Variants in KDM7A observed in about 807,000 individuals in gnomAD.
KDM7A encodes the protein lysine demethylase 7A, also known as lysine-specific demethylase 7A.
In KDM7A, 28 loss-of-function variants were observed where a neutral mutation model predicts 114.8. That is an observed-to-expected ratio of 0.24 (90% CI 0.18 to 0.33). The LOEUF (loss-of-function observed/expected upper bound fraction) is 0.33. Among genes scored for constraint, KDM7A ranks in the 10% least tolerant of loss-of-function variants. The probability of loss-of-function intolerance (pLI) is 1.00; values close to 1 mark genes in which losing one functional copy is unlikely to be tolerated. For missense variants in KDM7A, 942 were observed against 1,142.5 expected (o/e 0.82, Z 2.53); for synonymous variants, 423 against 397.8 (o/e 1.06, Z -0.75).
At chr7:140,111,817 G>A (rs1382845507) in intron 10 of KDM7A, among the ~76,000 whole-genome samples, 2 of 151,932 alleles carry the variant, frequency 1.3e-5, no homozygotes, top group African/African-American at 4.8e-5. Flanking sequence ...AACTAAGCCA[G>A]GCGTGGAATC....
rs1817907786 is a variant in KDM7A at position 140,085,287 on chromosome 7, T to C, written c.*5807A>G. ...AACCAGTAAGAAAAGTCAGTCAGGCTAGCAAAACGTTACTACAAAACTAGT... is the reference window on the plus strand; with the variant it reads ...AACCAGTAAGAAAAGTCAGTCAGGCCAGCAAAACGTTACTACAAAACTAGT... On this transcript the variant is annotated 3_prime_UTR_variant, in exon 20 of 20. Transcript: ENST00000397560. The C allele has an allele frequency of 6.6e-6, 1 of 152,192 alleles. No homozygotes were observed. The highest frequency in any genetic ancestry group is 6.5e-5 in the Admixed American group (1 of 15,278). The allele number at this position is 152,192 out of a possible 1,614,324, so 9.4% of individuals were successfully genotyped here.
chr7:140,124,960 T>C (rs1392437234), intron 6 of KDM7A, among the ~76,000 whole-genome samples, 177 bp from the exon 7 acceptor site: 1 of 152,156 alleles, frequency 6.6e-6, no homozygotes, highest in Non-Finnish European at 1.5e-5. Context: ...TAGTAAACAT[T>C]TTCATGTTTA....
chr7:140,150,630 A>G (rs1034902814), intron 1 of KDM7A, among the ~76,000 whole-genome samples: 1 of 152,220 alleles, frequency 6.6e-6, no homozygotes, highest in Admixed American at 6.5e-5. Flanking sequence ...AATTGGTAAC[A>G]GCAGTTGCCT....
rs1157499086 is a variant in KDM7A, at chr7:140,084,749, G to A, written c.*6345C>T. On this transcript the variant is annotated 3_prime_UTR_variant, in exon 20 of 20. Transcript: ENST00000397560. ...GAAAAAGGGAACAAAGTCAGAATTG[G>A]ATATAGAATTCAGATTCTTTTTCTT... 1 of 152,122 alleles carries A rather than the reference G, an allele frequency of 6.6e-6. No individual in the cohort carries two copies. Among genetic ancestry groups the A allele is most frequent in the East Asian group, 1.9e-4 (1 of 5,194 alleles). 9.4% of individuals were successfully genotyped at this position (152,122 alleles called of 1,614,324 possible).
chr7:140,123,096 G>C (rs1318666950), intron 7 of KDM7A, among the ~76,000 whole-genome samples: 1 of 152,074 alleles, frequency 6.6e-6, no homozygotes, highest in East Asian at 1.9e-4. Context: ...TGCCCAACAA[G>C]AAAAATGCTC....
In KDM7A at chr7:140,097,043, C is replaced by A. The variant is rs781627943; in HGVS notation, c.2021G>T (p.Ser674Ile). The A allele has an allele frequency of 6.2e-7, 1 of 1,609,432 alleles. No individual in the cohort carries two copies. The highest frequency in any genetic ancestry group is 1.7e-5 in the Admixed American group (1 of 59,394). Residue 674 changes from serine (S) to isoleucine (I), a missense_variant, in exon 16 of 20, where the codon AGT (serine) becomes ATT (isoleucine). Ser to Ile is a moderately radical substitution (Grantham distance 142). Transcript: ENST00000397560. The part of the protein sequence containing the change: ...DSGPECTALK[S>I]IFTTEESESS... ...TTCAGACTCTTCAGTGGTAAAGATA[C>A]TTTTCTGAGATGATAATTACATGGA... is the stretch of plus-strand genomic sequence containing the variant.
intron 18 of KDM7A, among the ~76,000 whole-genome samples, chr7:140,092,411 C>T (rs1453532611): frequency 2.6e-5 from 4 of 152,242 alleles, no homozygotes; most frequent in Non-Finnish European, 5.9e-5. Flanking sequence ...CGATCTCCCA[C>T]TTCCCTGGCA....
At position 140,090,409 on chromosome 7, in the gene KDM7A, A is replaced by G. The variant is rs1404554008; in HGVS notation, c.*685T>C. On this transcript the variant is annotated 3_prime_UTR_variant, in exon 20 of 20. Coordinates refer to ENST00000397560, the MANE Select transcript of KDM7A (RefSeq NM_030647.2). Reference sequence around the variant, plus strand: ...GGGAAGGTGGGATATAAGGTAATCAACCTGGATAACAGTATGCACCTTGGA... The same window carrying G: ...GGGAAGGTGGGATATAAGGTAATCAGCCTGGATAACAGTATGCACCTTGGA... The G allele has an allele frequency of 2.0e-5, 3 of 152,230 alleles. No homozygotes were observed. The highest frequency in any genetic ancestry group is 4.4e-5 in the Non-Finnish European group (3 of 68,044). The allele number at this position is 152,230 out of a possible 1,614,324, so 9.4% of individuals were successfully genotyped here.
intron 14 of KDM7A, among the ~76,000 whole-genome samples, chr7:140,098,185 C>G (rs901090194): frequency 2.0e-5 from 3 of 152,182 alleles, no homozygotes; most frequent in Non-Finnish European, 4.4e-5. Context: ...CAATTTCACT[C>G]AGATTAGCAG....
At chr7:140,103,463 C>A (rs374348177) in intron 11 of KDM7A, among the ~76,000 whole-genome samples, 331 of 148,354 alleles carry the variant, frequency 2.2e-3, no homozygotes, top group African/African-American at 6.5e-3. Context: ...CCCTCCCCCC[C>A]CCTCCAACCC....
At chr7:140,102,610 G>A (rs1273926136) in intron 11 of KDM7A, among the ~76,000 whole-genome samples, 1 of 152,016 alleles carries the variant, frequency 6.6e-6, no homozygotes, top group Non-Finnish European at 1.5e-5. Flanking sequence ...TGAGCTCAGG[G>A]GATCCACCTG....
At chr7:140,100,214 C>G (rs1818178840) in intron 12 of KDM7A, among the ~76,000 whole-genome samples, 191 bp from the exon 13 acceptor site, 1 of 152,194 alleles carries the variant, frequency 6.6e-6, no homozygotes, top group Admixed American at 6.5e-5. Flanking sequence ...TATGGCTCAT[C>G]TTTCTGGAGG....
intron 14 of KDM7A, among the ~76,000 whole-genome samples, chr7:140,097,899 G>A (rs1818141784): frequency 6.6e-6 from 1 of 152,130 alleles, no homozygotes; most frequent in Non-Finnish European, 1.5e-5. Flanking sequence ...TTACTTGGAT[G>A]GATTGACTGT....
intron 9 of KDM7A, among the ~76,000 whole-genome samples, chr7:140,117,955 G>GT (rs1818558186): frequency 6.6e-6 from 1 of 152,234 alleles, no homozygotes; most frequent in Non-Finnish European, 1.5e-5. Context: ...ATGCTGTGAG[G>GT]TGGGGGGTTT....
intron 1 of KDM7A, among the ~76,000 whole-genome samples, chr7:140,154,537 C>CT (rs1280485277): frequency 5.3e-5 from 8 of 150,742 alleles, no homozygotes; most frequent in African/African-American, 1.9e-4. Context: ...AAACAGTGTC[C>CT]TGCAGGAGTC....
intron 7 of KDM7A, among the ~76,000 whole-genome samples, chr7:140,122,435 G>A (rs1818630817): frequency 6.6e-6 from 1 of 151,852 alleles, no homozygotes; most frequent in African/African-American, 2.4e-5. Context: ...ATTTAAGGGA[G>A]GGGCATTCAC....
At chr7:140,122,772 A>G (rs892266011) in intron 7 of KDM7A, among the ~76,000 whole-genome samples, 1 of 152,244 alleles carries the variant, frequency 6.6e-6, no homozygotes, top group Non-Finnish European at 1.5e-5. Flanking sequence ...GTCTCTCAAG[A>G]CACACCCTAT....
chr7:140,158,245 T>C (rs765302218), intron 1 of KDM7A, among the ~76,000 whole-genome samples: 1 of 152,122 alleles, frequency 6.6e-6, no homozygotes, highest in Non-Finnish European at 1.5e-5. Context: ...ACAACTTACA[T>C]GTTAAAAGCA....
At chr7:140,153,928 T>C (rs972189466) in intron 1 of KDM7A, among the ~76,000 whole-genome samples, 3 of 152,214 alleles carry the variant, frequency 2.0e-5, no homozygotes, top group Non-Finnish European at 2.9e-5. Context: ...AGTTTATTAC[T>C]GAGAGGCAAG....
Sources: gnomAD v4.1 joint callset for allele counts (sites outside exome capture counted in the v4.1 genomes callset) on GRCh38, gnomAD v4.1.1 for gene constraint, MANE v1.5 for transcripts, NCBI Gene and HGNC (gene_info 2026-07-23, HGNC 2026-07-21) for gene names.